The following MYRIP variants were observed in gnomAD, a reference collection of about 807,000 sequenced individuals.
MYRIP encodes rab effector MyRIP.
Under a neutral mutation model 98.0 loss-of-function variants are expected in MYRIP, and 49 were observed. That is an observed-to-expected ratio of 0.50 (90% CI 0.40 to 0.63). The LOEUF is 0.63. MYRIP is among the 30% of genes least tolerant of loss of function. The pLI is 0.00. For missense variants in MYRIP, 1,004 were observed against 1,058.2 expected, an observed-to-expected ratio of 0.95 and a Z score of 0.71; for synonymous variants, 404 against 409.5, an observed-to-expected ratio of 0.99 and a Z score of 0.16.
At chr3:40,192,873 T>C (rs1421394368) in intron 10 of MYRIP, among the ~76,000 whole-genome samples, 1 of 152,124 alleles carries the variant, frequency 6.6e-6, no homozygotes, top group African/African-American at 2.4e-5. Flanking sequence ...ATAGCACTGG[T>C]GCAGTTGCCC....
At chr3:40,207,886 G>T (rs1052901428) in intron 10 of MYRIP, among the ~76,000 whole-genome samples, 2 of 152,110 alleles carry the variant, frequency 1.3e-5, no homozygotes, top group Non-Finnish European at 2.9e-5. Context: ...AGAATCTAGA[G>T]ACCTGCTGTC....
intron 12 of MYRIP, among the ~76,000 whole-genome samples, chr3:40,234,479 G>A (rs1021945558): frequency 2.0e-5 from 3 of 152,096 alleles, no homozygotes; most frequent in Admixed American, 1.3e-4. Context: ...CACAGGCAGT[G>A]TCTCCAGCAG....
chr3:40,168,803 C>T (rs1950551342), intron 7 of MYRIP, among the ~76,000 whole-genome samples: 1 of 152,212 alleles, frequency 6.6e-6, no homozygotes, highest in South Asian at 2.1e-4. Context: ...GAGCAAGTCA[C>T]ACATCGAGCC....
intron 1 of MYRIP, among the ~76,000 whole-genome samples, chr3:39,839,080 C>T (rs1005585422): frequency 6.6e-6 from 1 of 151,946 alleles, no homozygotes; most frequent in Non-Finnish European, 1.5e-5. Context: ...ATTCTTCTCT[C>T]TTTTCTTCTT....
intron 3 of MYRIP, among the ~76,000 whole-genome samples, chr3:40,100,418 A>G (rs1000766844): frequency 6.6e-6 from 1 of 152,228 alleles, no homozygotes; most frequent in Non-Finnish European, 1.5e-5. Flanking sequence ...AGCATTTTGC[A>G]TATGCATATC....
At chr3:39,975,869 C>T (rs1559544543) in intron 2 of MYRIP, among the ~76,000 whole-genome samples, 1 of 152,098 alleles carries the variant, frequency 6.6e-6, no homozygotes. Flanking sequence ...AAACTGGATC[C>T]CTTCCTTACA....
intron 12 of MYRIP, among the ~76,000 whole-genome samples, chr3:40,239,466 C>A (rs1575669784): frequency 7.0e-6 from 1 of 143,282 alleles, no homozygotes; most frequent in South Asian, 2.2e-4. Flanking sequence ...AGTTCTAGAT[C>A]CTTGAGGAAT....
intron 5 of MYRIP, 170 bp downstream of exon 5, chr3:40,162,980 T>C: frequency 1.7e-6 from 1 of 575,538 alleles, no homozygotes; most frequent in South Asian, 2.4e-5. Context: ...TATGAATCCA[T>C]CATCAAAATA....
At position 40,072,835 on chromosome 3, in the gene MYRIP, A is replaced by T. The variant is rs868453823; in HGVS notation, c.332+28564A>T. 6.1e-3 allele frequency among the ~76,000 whole-genome samples: 36 copies of T among 5,882 alleles called. No homozygotes were observed. The East Asian group carries it at 0.085, about 14-fold the overall frequency. 3.9% of individuals were successfully genotyped at this position (5,882 alleles called of 152,430 possible). On this transcript the variant is annotated intron_variant, in intron 3 of 16. Coordinates refer to ENST00000302541, the MANE Select transcript of MYRIP (RefSeq NM_015460.4). ...CGTAAACATGGTGTGTTCTTTTTTAAAAAAAAATGTATATTGTGCAGTTGT... is the reference window on the plus strand; with the variant it reads ...CGTAAACATGGTGTGTTCTTTTTTATAAAAAAATGTATATTGTGCAGTTGT...
chr3:39,835,238 T>C (rs1204386229), intron 1 of MYRIP, among the ~76,000 whole-genome samples: 1 of 152,204 alleles, frequency 6.6e-6, no homozygotes, highest in East Asian at 1.9e-4. Flanking sequence ...GGAAACTTCT[T>C]ACACAAGAAT....
intron 2 of MYRIP, among the ~76,000 whole-genome samples, chr3:40,000,108 A>G (rs565637248): frequency 4.9e-4 from 75 of 152,162 alleles, no homozygotes; most frequent in South Asian, 1.0e-3. Flanking sequence ...GCACACCAAC[A>G]TGGCACATGT....
At chr3:39,945,297 C>G (rs1443283890) in intron 2 of MYRIP, among the ~76,000 whole-genome samples, 1 of 116,410 alleles carries the variant, frequency 8.6e-6, no homozygotes, top group African/African-American at 3.6e-5. Flanking sequence ...TGGTGAAATA[C>G]CATCTCTACT....
rs142734984 is a variant in MYRIP, at chr3:39,996,925, G to C, written c.111-47125G>C. Reference sequence around the variant, plus strand: ...CATGGAAACTGAACAACCTGCTCCTGAATGACTACTGGGTACGTAACAAAA... The same window carrying C: ...CATGGAAACTGAACAACCTGCTCCTCAATGACTACTGGGTACGTAACAAAA... On this transcript the variant is annotated intron_variant, in intron 2 of 16. Transcript: ENST00000302541. Among the ~76,000 whole-genome samples the C allele has an allele frequency of 1.8e-4, 27 of 152,302 alleles. No homozygotes were observed. In the East Asian group the frequency reaches 5.2e-3, roughly 29 times the overall value.
At chr3:39,999,049 T>G (rs1575451983) in intron 2 of MYRIP, among the ~76,000 whole-genome samples, 1 of 152,138 alleles carries the variant, frequency 6.6e-6, no homozygotes, top group Non-Finnish European at 1.5e-5. Flanking sequence ...AAGACTTAAA[T>G]GTAAGACCTA....
intron 3 of MYRIP, among the ~76,000 whole-genome samples, chr3:40,097,368 C>CT (rs1948852380): frequency 6.6e-6 from 1 of 152,064 alleles, no homozygotes; most frequent in East Asian, 1.9e-4. Context: ...ATCCTCTGAC[C>CT]TATAGTGCCC....
chr3:40,226,574 G>T (rs1418117812), intron 11 of MYRIP, among the ~76,000 whole-genome samples: 1 of 152,128 alleles, frequency 6.6e-6, no homozygotes, highest in Non-Finnish European at 1.5e-5. Context: ...GGTCTCTCCT[G>T]CCAGCATGTT....
At chr3:39,871,414 T>G (rs1942784855) in intron 1 of MYRIP, among the ~76,000 whole-genome samples, 1 of 152,198 alleles carries the variant, frequency 6.6e-6, no homozygotes, top group African/African-American at 2.4e-5. Flanking sequence ...GAGGAAAATC[T>G]TTAGTCAGCA....
chr3:39,847,995 C>T (rs1239121741), intron 1 of MYRIP, among the ~76,000 whole-genome samples: 1 of 152,196 alleles, frequency 6.6e-6, no homozygotes, highest in African/African-American at 2.4e-5. Flanking sequence ...CACCTTCCTG[C>T]CCTCCAAAAT....
At chr3:40,116,011 T>C (rs539661045) in intron 3 of MYRIP, among the ~76,000 whole-genome samples, 2 of 152,112 alleles carry the variant, frequency 1.3e-5, no homozygotes, top group African/African-American at 4.8e-5. Flanking sequence ...CAAGGTTGAG[T>C]AGAACAGGTA....
Sources: allele counts gnomAD v4.1 joint callset (sites outside exome capture counted in the v4.1 genomes callset), GRCh38; gene constraint gnomAD v4.1.1; transcripts MANE v1.5; gene names NCBI Gene and HGNC (gene_info 2026-07-23, HGNC 2026-07-21).